The following ANO5 variants were observed in gnomAD, a reference collection of about 807,000 sequenced individuals.
The protein encoded by ANO5 is anoctamin 5, also known as anoctamin-5.
In ANO5, 109 loss-of-function variants were observed where a neutral mutation model predicts 121.0. The observed-to-expected ratio is 0.90, with a 90% CI of 0.77 to 1.06. ANO5 has a LOEUF of 1.06. Ranked by LOEUF, ANO5 falls within the 50% of genes least tolerant of loss-of-function variation. The pLI is 0.00. For missense variants in ANO5, 1,064 were observed against 1,078.5 expected, an observed-to-expected ratio of 0.99 and a Z score of 0.19; for synonymous variants, 406 against 359.9, an observed-to-expected ratio of 1.13 and a Z score of -1.45.
In ANO5 at chr11:22,227,399, A is replaced by G. The variant is rs1205488145; in HGVS notation, c.461A>G (p.Lys154Arg). 7 of 1,613,564 alleles carry G rather than the reference A, an allele frequency of 4.3e-6. No homozygotes were observed. In the South Asian group the frequency reaches 7.7e-5, roughly 18 times the overall value. ...AEVLGIKMPI[K>R]ESDIPRPKHT... ...GTCTTGGGAATCAAAATGCCTATTA[A>G]GGAGAGTGATATTCCCCGCCCTAAG... Residue 154 changes from lysine (K) to arginine (R), a missense_variant, in exon 7 of 22, where the codon AAG (lysine) becomes AGG (arginine). Transcript: ENST00000324559.
At chr11:22,208,469 A>G (rs577431123) in intron 2 of ANO5, among the ~76,000 whole-genome samples, 1 of 152,148 alleles carries the variant, frequency 6.6e-6, no homozygotes, top group South Asian at 2.1e-4. Context: ...CACTTCTGAA[A>G]TGACAGTATA....
At chr11:22,221,639 G>C (rs1022175786) in intron 5 of ANO5, among the ~76,000 whole-genome samples, 1 of 151,714 alleles carries the variant, frequency 6.6e-6, no homozygotes, top group African/African-American at 2.4e-5. Flanking sequence ...CACTTTATGA[G>C]CTTATTTATT....
In ANO5 at chr11:22,250,228, T is replaced by C. The variant is rs765582501; in HGVS notation, c.879-9T>C. On this transcript the variant is annotated splice_polypyrimidine_tract_variant and intron_variant, in intron 9 of 21. Coordinates refer to ENST00000324559, the MANE Select transcript of ANO5 (RefSeq NM_213599.3). ...CATATTCTGATTCTGTTTTTACTCT[T>C]TTTCACAGGAATTATTATGGAGAAA... is the stretch of plus-strand genomic sequence containing the variant. The C allele has an allele frequency of 6.4e-7, 1 of 1,569,216 alleles. No homozygotes were observed. The highest frequency in any genetic ancestry group is 8.7e-7 in the Non-Finnish European group (1 of 1,143,084).
At chr11:22,233,628 G>A (rs552972544) in intron 7 of ANO5, among the ~76,000 whole-genome samples, 7 of 152,086 alleles carry the variant, frequency 4.6e-5, no homozygotes, top group Admixed American at 1.3e-4. Context: ...AGCCAAATCA[G>A]GACTGAAAGG....
Position 22,280,034 on chromosome 11 carries a change from A to G in ANO5, c.*269A>G. ...GACTGTTGAAAGTGCAGGTAGAATC[A>G]GAATACTGGGAAATTATGGAGTCTT... On this transcript the variant is annotated 3_prime_UTR_variant, in exon 22 of 22. Transcript: ENST00000324559. 2.3e-6 allele frequency: 1 copy of G among 429,606 alleles called. No individual in the cohort carries two copies. Among genetic ancestry groups the G allele is most frequent in the East Asian group, 4.4e-5 (1 of 22,484 alleles). The allele number at this position is 429,606 out of a possible 1,614,324, so 26.6% of individuals were successfully genotyped here.
chr11:22,250,383 T>C lies in ANO5; in HGVS notation c.1013+12T>C. The C allele has an allele frequency of 6.2e-7, 1 of 1,613,390 alleles. No individual in the cohort carries two copies. Among genetic ancestry groups the C allele is most frequent in the Non-Finnish European group, 8.5e-7 (1 of 1,179,628 alleles). On this transcript the variant is annotated intron_variant, in intron 10 of 21. Coordinates refer to ENST00000324559, the MANE Select transcript of ANO5 (RefSeq NM_213599.3). ...CATAACACAAGCAGGTAAGTGCACC[T>C]GAGTTGCCCAGATAGAGAAAACATC...
intron 7 of ANO5, among the ~76,000 whole-genome samples, chr11:22,230,490 A>G (rs772059621): frequency 2.0e-5 from 3 of 151,974 alleles, no homozygotes; most frequent in Non-Finnish European, 2.9e-5. Flanking sequence ...TCATCCCAAC[A>G]CAGTTGCTTT....
chr11:22,275,220 A>G (rs1206152514), intron 20 of ANO5, among the ~76,000 whole-genome samples: 1 of 152,022 alleles, frequency 6.6e-6, no homozygotes, highest in East Asian at 1.9e-4. Flanking sequence ...TTTATACTGT[A>G]TAGGGAATAT....
At chr11:22,268,390 TCA>T in intron 17 of ANO5, among the ~76,000 whole-genome samples, 1 of 152,210 alleles carries the variant, frequency 6.6e-6, no homozygotes, top group African/African-American at 2.4e-5. Context: ...TTTTGTCACA[TCA>T]GTGTCTAGGT....
intron 20 of ANO5, 107 bp downstream of exon 20, chr11:22,274,854 A>G: frequency 7.4e-7 from 1 of 1,345,904 alleles, no homozygotes; most frequent in South Asian, 1.2e-5. Flanking sequence ...TTCTTAGGGC[A>G]ACAAAAATCC....
intron 1 of ANO5, among the ~76,000 whole-genome samples, chr11:22,201,355 C>A (rs1471822734): frequency 2.0e-5 from 3 of 152,088 alleles, no homozygotes; most frequent in Admixed American, 6.6e-5. Flanking sequence ...AATTAAAATG[C>A]ACAAATATTC....
chr11:22,255,568 A>G (rs373739816), intron 13 of ANO5, 46 bp downstream of exon 13: 501 of 1,598,856 alleles, frequency 3.1e-4, no homozygotes, highest in Non-Finnish European at 4.1e-4. Context: ...CAATGGACAC[A>G]CTGCTATAGG....
intron 17 of ANO5, among the ~76,000 whole-genome samples, chr11:22,267,182 A>G (rs1010715186): frequency 2.6e-5 from 4 of 152,020 alleles, no homozygotes; most frequent in African/African-American, 9.7e-5. Context: ...TTATATGGAA[A>G]CACACACACA....
chr11:22,268,044 T>C (rs1163344043), intron 17 of ANO5, among the ~76,000 whole-genome samples: 4 of 152,212 alleles, frequency 2.6e-5, no homozygotes, highest in Non-Finnish European at 5.9e-5. Flanking sequence ...ATGTCTTTGC[T>C]ATTGTGAATA....
intron 1 of ANO5, among the ~76,000 whole-genome samples, chr11:22,197,262 A>G (rs1485743923): frequency 6.6e-6 from 1 of 152,228 alleles, no homozygotes; most frequent in African/African-American, 2.4e-5. Context: ...AATTTTAAAA[A>G]TGAAATTCTA....
chr11:22,229,858 T>A (rs796712129), intron 7 of ANO5, among the ~76,000 whole-genome samples: 25 of 152,096 alleles, frequency 1.6e-4, no homozygotes, highest in African/African-American at 6.0e-4. Flanking sequence ...TTTGGGAGGT[T>A]AATGTAGACA....
At position 22,279,964 on chromosome 11, in the gene ANO5, T is replaced by C. The variant is rs190481523; in HGVS notation, c.*199T>C. 898 of 576,158 alleles carry C rather than the reference T, an allele frequency of 1.6e-3. 4 individuals are homozygous for C. Among genetic ancestry groups the C allele is most frequent in the African/African-American group, 0.015 (796 of 53,216 alleles). 35.7% of individuals were successfully genotyped at this position (576,158 alleles called of 1,614,324 possible). A position where few individuals can be genotyped will look rare whatever the true frequency, so the allele number is the denominator to read the frequency against. On this transcript the variant is annotated 3_prime_UTR_variant, in exon 22 of 22. Coordinates refer to ENST00000324559, the MANE Select transcript of ANO5 (RefSeq NM_213599.3). ...GGAAATGTACTACTTCTCTGCTTCA[T>C]TGACTGGGCCCTCTCCAGATGTTGT...
chr11:22,271,734 C>T (rs1373947285), intron 18 of ANO5, among the ~76,000 whole-genome samples: 1 of 152,150 alleles, frequency 6.6e-6, no homozygotes, highest in African/African-American at 2.4e-5. Flanking sequence ...CATTATTCTA[C>T]ACATTTTATT....
intron 2 of ANO5, among the ~76,000 whole-genome samples, chr11:22,206,982 A>G (rs1207757151): frequency 2.0e-5 from 3 of 152,128 alleles, no homozygotes; most frequent in Admixed American, 6.6e-5. Context: ...TCCAGGTGAC[A>G]TGACGATGTA....
Sources: allele counts gnomAD v4.1 joint callset (sites outside exome capture counted in the v4.1 genomes callset), GRCh38; gene constraint gnomAD v4.1.1; transcripts MANE v1.5; gene names NCBI Gene and HGNC (gene_info 2026-07-23, HGNC 2026-07-21).